Variants in SP3 observed in about 807,000 individuals in gnomAD.
SP3 encodes transcription factor Sp3.
In SP3, 10 loss-of-function variants were observed where a neutral mutation model predicts 70.3. The ratio of observed to expected loss-of-function variants is 0.14; its 90% CI spans 0.09 to 0.24. SP3 has a LOEUF of 0.24. Ranked by LOEUF, SP3 falls within the 10% of genes least tolerant of loss-of-function variation. The pLI is 1.00. For synonymous variants in SP3, 402 were observed against 333.5 expected (o/e 1.21, Z -2.24); for missense variants, 825 against 914.6 (o/e 0.90, Z 1.26).
At chr2:173,931,364 G>A (rs1045168276) in intron 4 of SP3, among the ~76,000 whole-genome samples, 1 of 121,714 alleles carries the variant, frequency 8.2e-6, no homozygotes, top group Non-Finnish European at 1.7e-5. Flanking sequence ...TTGTTTTTGA[G>A]ATGGAGTCTC....
In SP3 at chr2:173,955,287, G is replaced by C; in HGVS notation, c.1225C>G (p.Gln409Glu). ...GTAATACCTTGCACAATTTGGGCTT[G>C]ACTGGTTGGCTGCTGAGACTCTTGA... Reference protein sequence around the residue: ...QLQESQQPTSQAQIVQGITPQ... With the variant: ...QLQESQQPTSEAQIVQGITPQ... The change falls in exon 4 of 7, where the codon CAA (glutamine) becomes GAA (glutamate). Residue 409 changes from glutamine to glutamate, a missense_variant. Coordinates refer to ENST00000310015, the MANE Select transcript of SP3 (RefSeq NM_003111.5). The C allele has an allele frequency of 6.2e-7, 1 of 1,614,126 alleles. No homozygotes were observed. The highest frequency in any genetic ancestry group is 8.5e-7 in the Non-Finnish European group (1 of 1,180,024).
rs373296861 is a variant in SP3, at chr2:173,959,779, A to T, written c.280-3547T>A. Among the ~76,000 whole-genome samples the T allele has an allele frequency of 9.8e-5, 15 of 152,300 alleles. No individual in the cohort carries two copies. The East Asian group carries it at 1.3e-3, about 14-fold the overall frequency. On this transcript the variant is annotated intron_variant, in intron 3 of 6. Coordinates refer to ENST00000310015, the MANE Select transcript of SP3 (RefSeq NM_003111.5). ...AAAAAAATAAAAATAAAAATAAAAA[A>T]AATTAAAACAGGCAACCAAGACGAG...
chr2:173,913,336 T>G, intron 5 of SP3, 70 bp from the exon 6 acceptor site: 1 of 1,115,158 alleles, frequency 9.0e-7, no homozygotes, highest in Non-Finnish European at 1.2e-6. Flanking sequence ...ATTTACATCA[T>G]ATATCCCCAT....
rs1689223793 is a variant in SP3 at position 173,903,391 on chromosome 2, G to T, written c.*6550C>A. Among the ~76,000 whole-genome samples, 1 of 152,178 alleles carries T rather than the reference G, an allele frequency of 6.6e-6. No homozygotes were observed. The highest frequency in any genetic ancestry group is 1.5e-5 in the Non-Finnish European group (1 of 68,034). ...GGTAAGCGGCAGAACTGGGAGACAA[G>T]CAAGCCCATGTGTGTCTAAGTCCCA... On this transcript the variant is annotated 3_prime_UTR_variant, in exon 7 of 7. Transcript: ENST00000310015.
chr2:173,955,848 C>G lies in SP3; in HGVS notation c.664G>C (p.Ala222Pro), dbSNP rs376466431. ...QTLLASGTPS[A>P]NIQNLIPQTG... ...TGTGGTATGAGATTCTGGATGTTAG[C>G]AGAAGGTGTTCCAGAGGCAAGTAAG... Residue 222 changes from alanine (A) to proline (P), a missense_variant, in exon 4 of 7, where the codon GCT becomes CCT. Ala to Pro is a conservative substitution (Grantham distance 27). Coordinates refer to ENST00000310015, the MANE Select transcript of SP3 (RefSeq NM_003111.5). 44 of 1,614,194 alleles carry G rather than the reference C, an allele frequency of 2.7e-5. No individual in the cohort carries two copies. The African/African-American group carries it at 5.2e-4, about 19-fold the overall frequency.
intron 4 of SP3, among the ~76,000 whole-genome samples, chr2:173,930,417 A>G (rs947566616): frequency 6.6e-6 from 1 of 152,150 alleles, no homozygotes; most frequent in Non-Finnish European, 1.5e-5. Context: ...TTAAAAAGAA[A>G]AAAAAAGGTG....
Position 173,954,943 on chromosome 2 carries a change from T to C in SP3, c.1569A>G (p.Thr523=), listed in dbSNP as rs777898000. The C allele has an allele frequency of 3.4e-5, 55 of 1,614,066 alleles. No homozygotes were observed. The highest frequency in any genetic ancestry group is 4.6e-5 in the Non-Finnish European group (54 of 1,180,024). Reference sequence around the variant, plus strand: ...CAGAATCTATAGAGTTCACTGTAACTGTTTGTAGATTTGGCAACTGACCAG... The same window carrying C: ...CAGAATCTATAGAGTTCACTGTAACCGTTTGTAGATTTGGCAACTGACCAG... ...LSTGQLPNLQ[T]VTVNSIDSAG... is the part of the protein sequence containing the mutation. The change falls in exon 4 of 7, where the codon ACA becomes ACG. Residue 523 remains threonine, a synonymous_variant. Coordinates refer to ENST00000310015, the MANE Select transcript of SP3 (RefSeq NM_003111.5).
chr2:173,938,112 G>A (rs1185211020), intron 4 of SP3, among the ~76,000 whole-genome samples: 1 of 152,124 alleles, frequency 6.6e-6, no homozygotes, highest in East Asian at 1.9e-4. Context: ...AATGTCAAGA[G>A]TTTTTAAAAA....
chr2:173,915,985 A>G (rs1689609770), intron 5 of SP3: 1 of 152,110 alleles, frequency 6.6e-6, no homozygotes, highest in Non-Finnish European at 1.5e-5. Context: ...TTGCAAAAAA[A>G]GACAAATATT....
Position 173,906,262 on chromosome 2 carries a change from G to T in SP3, c.*3679C>A, listed in dbSNP as rs1282489684. The stretch of plus-strand genomic sequence containing the variant: ...CTCTTCTAGGTTTCTACAGTACTTT[G>T]TTTCTGCCACTAATATATATATTTA... On this transcript the variant is annotated 3_prime_UTR_variant, in exon 7 of 7. Transcript: ENST00000310015. 6.6e-6 allele frequency among the ~76,000 whole-genome samples: 1 copy of T among 152,032 alleles called. No individual in the cohort carries two copies. Among genetic ancestry groups the T allele is most frequent in the Non-Finnish European group, 1.5e-5 (1 of 68,026 alleles).
chr2:173,959,804 G>A (rs1024811902), intron 3 of SP3, among the ~76,000 whole-genome samples: 1 of 152,158 alleles, frequency 6.6e-6, no homozygotes, highest in Non-Finnish European at 1.5e-5. Context: ...ACCAAGACGA[G>A]AACTAGTATT....
Position 173,903,402 on chromosome 2 carries a change from T to A in SP3, c.*6539A>T, listed in dbSNP as rs918439649. On this transcript the variant is annotated 3_prime_UTR_variant, in exon 7 of 7. Transcript: ENST00000310015. ...GAACTGGGAGACAAGCAAGCCCATG[T>A]GTGTCTAAGTCCCAAACCTATGCAC... Among the ~76,000 whole-genome samples the A allele has an allele frequency of 2.0e-5, 3 of 152,200 alleles. No homozygotes were observed. The highest frequency in any genetic ancestry group is 7.2e-5 in the African/African-American group (3 of 41,452).
chr2:173,956,331 CAACTTATCTTAA>C, intron 3 of SP3, 99 bp from the exon 4 acceptor site: 1 of 1,277,796 alleles, frequency 7.8e-7, no homozygotes, highest in Non-Finnish European at 1.1e-6. Flanking sequence ...CCTGAAAATT[CAACTTATCTTAA>C]AACACAATGG....
rs1209360162 is a variant in SP3, at chr2:173,907,274, A to C, written c.*2667T>G. ...CTTTACAAAAATAAAGCAATTGACA[A>C]AACACCTATTAGAGTATACCTACCC... On this transcript the variant is annotated 3_prime_UTR_variant, in exon 7 of 7. Transcript: ENST00000310015. 1.3e-5 allele frequency: 2 copies of C among 152,190 alleles called. No homozygotes were observed. Among genetic ancestry groups the C allele is most frequent in the African/African-American group, 2.4e-5 (1 of 41,458 alleles). The allele number at this position is 152,190 out of a possible 1,614,324, so 9.4% of individuals were successfully genotyped here.
chr2:173,910,558 G>A (rs768126624), intron 6 of SP3, among the ~76,000 whole-genome samples: 10 of 152,116 alleles, frequency 6.6e-5, no homozygotes, highest in Non-Finnish European at 5.9e-5. Flanking sequence ...TGAAATACCT[G>A]TGTTAAGATG....
intron 4 of SP3, among the ~76,000 whole-genome samples, chr2:173,947,014 T>C (rs1228959656): frequency 6.6e-6 from 1 of 152,070 alleles, no homozygotes; most frequent in Non-Finnish European, 1.5e-5. Flanking sequence ...TGAGCCACCA[T>C]ACCTAGCTGG....
intron 4 of SP3, among the ~76,000 whole-genome samples, chr2:173,942,818 G>A (rs554050069): frequency 6.6e-6 from 1 of 151,802 alleles, no homozygotes; most frequent in Admixed American, 6.6e-5. Context: ...CCCTCCACAG[G>A]TTCTATATCT....
rs1379001090 is a variant in SP3, at chr2:173,904,331, G to A, written c.*5610C>T. Among the ~76,000 whole-genome samples, 2 of 152,124 alleles carry A rather than the reference G, an allele frequency of 1.3e-5. No homozygotes were observed. Among genetic ancestry groups the A allele is most frequent in the Non-Finnish European group, 2.9e-5 (2 of 68,020 alleles). Reference sequence around the variant, plus strand: ...TATAGGATCAAGTCATCAACTCTATGGTGTTTTACGAGAGAATATACTGTA... The same window carrying A: ...TATAGGATCAAGTCATCAACTCTATAGTGTTTTACGAGAGAATATACTGTA... On this transcript the variant is annotated 3_prime_UTR_variant, in exon 7 of 7. Transcript: ENST00000310015.
chr2:173,929,111 A>G (rs1266883411), intron 4 of SP3, among the ~76,000 whole-genome samples: 1 of 152,226 alleles, frequency 6.6e-6, no homozygotes, highest in Non-Finnish European at 1.5e-5. Flanking sequence ...TCCACTTGAT[A>G]CATGCTTCCA....
Sources: allele counts gnomAD v4.1 joint callset (sites outside exome capture counted in the v4.1 genomes callset), GRCh38; gene constraint gnomAD v4.1.1; transcripts MANE v1.5; gene names NCBI Gene and HGNC (gene_info 2026-07-23, HGNC 2026-07-21).